UNC79: variants seen among roughly 807,000 people sequenced by gnomAD.
The protein encoded by UNC79 is unc-79 subunit of NALCN channel complex, also known as protein unc-79 homolog.
A neutral mutation model predicts 283.1 loss-of-function variants in UNC79; 37 were observed. That is an observed-to-expected ratio of 0.13 (90% CI 0.10 to 0.17). The LOEUF is 0.17. UNC79 is among the 10% of genes least tolerant of loss of function. The probability of loss-of-function intolerance (pLI) is 1.00; values close to 1 mark genes in which losing one functional copy is unlikely to be tolerated. For missense variants in UNC79, 2,272 were observed against 3,211.1 expected (o/e 0.71, Z 7.07); for synonymous variants, 1,107 against 1,200.2 (o/e 0.92, Z 1.61).
chr14:93,689,987 C>CTTTG, intron 44 of UNC79, 130 bp from the exon 48 acceptor site: 1 of 945,510 alleles, frequency 1.1e-6, no homozygotes, highest in Non-Finnish European at 1.6e-6. Context: ...ACTCAATTGC[C>CTTTG]TTGGCGTTTT....
At chr14:93,375,284 A>G (rs577147131) in intron 1 of UNC79, among the ~76,000 whole-genome samples, 2 of 152,290 alleles carry the variant, frequency 1.3e-5, no homozygotes, top group South Asian at 4.2e-4. Flanking sequence ...CAGGAGGCTG[A>G]GGTAGGAGGA....
intron 20 of UNC79, 144 bp downstream of exon 20, chr14:93,582,488 C>T (rs997160515): frequency 3.1e-5 from 38 of 1,232,752 alleles, no homozygotes; most frequent in African/African-American, 2.0e-4. Flanking sequence ...CATCTCCCAG[C>T]GGATTATAAA....
At chr14:93,648,535 G>A (rs1453753696) in intron 35 of UNC79, among the ~76,000 whole-genome samples, 1 of 152,110 alleles carries the variant, frequency 6.6e-6, no homozygotes, top group East Asian at 1.9e-4. Context: ...AAAGAGAGGA[G>A]GCAAGAATGA....
At chr14:93,572,004 G>A (rs759287514) in exon 15 of UNC79, 1 of 1,614,224 alleles carries the variant, frequency 6.2e-7, no homozygotes, top group Non-Finnish European at 8.5e-7. Context: ...CTGTCTGGGA[G>A]TGTATTATGC....
At chr14:93,605,300 T>G (rs946228425) in intron 26 of UNC79, among the ~76,000 whole-genome samples, 8 of 152,208 alleles carry the variant, frequency 5.3e-5, no homozygotes, top group African/African-American at 1.9e-4. Flanking sequence ...TGTTCATACA[T>G]ATCTGCTATA....
At chr14:93,443,855 C>T (rs1034712343) in intron 1 of UNC79, among the ~76,000 whole-genome samples, 1 of 152,146 alleles carries the variant, frequency 6.6e-6, no homozygotes, top group Non-Finnish European at 1.5e-5. Flanking sequence ...TTTATCCATT[C>T]ACCAGTTGAT....
intron 40 of UNC79, among the ~76,000 whole-genome samples, chr14:93,667,579 T>G (rs955772132): frequency 2.0e-5 from 3 of 152,140 alleles, no homozygotes; most frequent in African/African-American, 7.2e-5. Flanking sequence ...CAAAAACTAT[T>G]CCAGCTTTAG....
rs1566794061 is a variant in UNC79, at chr14:93,621,494, T to G, written c.4388-127T>G. ...ACCTTACAAAAACTTGGCCAGAAAG[T>G]TCGTTTTCCCTCCTGGTGGAGCTGG... On this transcript the variant is annotated intron_variant, in intron 29 of 48. Coordinates refer to ENST00000555664, the Ensembl canonical transcript of UNC79. The surrounding 1 kb of genome is among the most constrained non-coding windows in gnomAD (Gnocchi z 4.8). 5.7e-6 allele frequency: 7 copies of G among 1,226,272 alleles called. No individual in the cohort carries two copies. In the East Asian group the frequency reaches 1.9e-4, roughly 33 times the overall value. 76.0% of individuals were successfully genotyped at this position (1,226,272 alleles called of 1,614,324 possible). A position where few individuals can be genotyped will look rare whatever the true frequency, so the allele number is the denominator to read the frequency against.
chr14:93,405,518 C>A (rs1465053377), intron 1 of UNC79, among the ~76,000 whole-genome samples: 2 of 151,940 alleles, frequency 1.3e-5, no homozygotes, highest in African/African-American at 4.8e-5. Flanking sequence ...TCTTTTCCAA[C>A]AAACAAAGAA....
In UNC79 at chr14:93,706,792, A is replaced by G. The variant is rs1412286849; in HGVS notation, c.7679A>G (p.Gln2560Arg). The change falls in exon 49 of 49, where the codon CAG becomes CGG. Residue 2560 changes from glutamine to arginine, a missense_variant. Gln to Arg is a conservative substitution (Grantham distance 43). Transcript: ENST00000555664. Reference sequence around the variant, plus strand: ...CTAAGGACGCTGCCGGGCTCGGGCCAGAGCAGTGCTGGCCTGGCAGCCCTC... The same window carrying G: ...CTAAGGACGCTGCCGGGCTCGGGCCGGAGCAGTGCTGGCCTGGCAGCCCTC... 3 of 1,614,254 alleles carry G rather than the reference A, an allele frequency of 1.9e-6. No homozygotes were observed. The highest frequency in any genetic ancestry group is 3.3e-4 in the Middle Eastern group (2 of 6,062).
intron 31 of UNC79, among the ~76,000 whole-genome samples, chr14:93,632,769 A>G (rs994361692): frequency 2.6e-5 from 4 of 152,208 alleles, no homozygotes; most frequent in Non-Finnish European, 5.9e-5. Context: ...TAGGACTCAA[A>G]TGATAGTTAA....
chr14:93,443,476 T>C (rs1595489164), intron 1 of UNC79, among the ~76,000 whole-genome samples: 1 of 147,844 alleles, frequency 6.8e-6, no homozygotes, highest in Admixed American at 6.9e-5. Context: ...CAGGCTAGAG[T>C]GCAATGGCAC....
At chr14:93,367,104 GTTC>G (rs2054351733) in intron 1 of UNC79, among the ~76,000 whole-genome samples, 1 of 152,084 alleles carries the variant, frequency 6.6e-6, no homozygotes, top group African/African-American at 2.4e-5. Flanking sequence ...TGTAAATCCA[GTTC>G]TCCATTTCTT....
chr14:93,488,542 G>A (rs1341837552), intron 5 of UNC79, among the ~76,000 whole-genome samples: 1 of 150,736 alleles, frequency 6.6e-6, no homozygotes, highest in Non-Finnish European at 1.5e-5. Flanking sequence ...AATAGTAATT[G>A]AACTTCTGAC....
rs543287434 is a variant in UNC79 at position 93,379,360 on chromosome 14, T to C, written c.-351+45837T>C. On this transcript the variant is annotated intron_variant, in intron 1 of 49. Transcript: ENST00000256339. ...TAACCAAAAAAGTCATCATCTGTAA[T>C]TAAGCAGGATTTGGTAAATATGAAC... Among the ~76,000 whole-genome samples, 27 of 152,264 alleles carry C rather than the reference T, an allele frequency of 1.8e-4. 1 individual carries two copies. In the South Asian group the frequency reaches 5.6e-3, roughly 32 times the overall value.
chr14:93,701,454 G>T (rs2075523111), intron 47 of UNC79, among the ~76,000 whole-genome samples: 1 of 152,102 alleles, frequency 6.6e-6, no homozygotes, highest in South Asian at 2.1e-4. Context: ...CATGAACCAA[G>T]ATAAGAGGAA....
Position 93,420,497 on chromosome 14 carries a change from T to C in UNC79, c.-350-47174T>C, listed in dbSNP as rs1490236395. 1.3e-5 allele frequency among the ~76,000 whole-genome samples: 2 copies of C among 151,714 alleles called. 1 individual carries two copies. The highest frequency in any genetic ancestry group is 2.9e-5 in the Non-Finnish European group (2 of 67,902). On this transcript the variant is annotated intron_variant, in intron 1 of 49. Coordinates refer to the UNC79 transcript ENST00000256339. ...AGCTAAAGAGAGAAATAGAACTCAA[T>C]GCAATAATAGCTTAAGACTTCAACA...
At chr14:93,473,717 AG>A (rs2057645016) in intron 2 of UNC79, among the ~76,000 whole-genome samples, 3 of 152,220 alleles carry the variant, frequency 2.0e-5, no homozygotes, top group South Asian at 2.1e-4. Flanking sequence ...CCTTGTAATT[AG>A]GAATAAGAGC....
chr14:93,358,818 G>C (rs759891720), intron 1 of UNC79, among the ~76,000 whole-genome samples: 5 of 152,092 alleles, frequency 3.3e-5, no homozygotes, highest in Non-Finnish European at 7.4e-5. Flanking sequence ...TGTGTCAGTT[G>C]CCAGGCAAGA....
Sources: gnomAD v4.1 joint callset for allele counts (sites outside exome capture counted in the v4.1 genomes callset) on GRCh38, gnomAD v4.1.1 for gene constraint, Gnocchi (gnomAD v3.1) non-coding constraint, MANE v1.5 for transcripts, NCBI Gene and HGNC (gene_info 2026-07-23, HGNC 2026-07-21) for gene names.